LOC122539214: variants seen among roughly 807,000 people sequenced by gnomAD.
chr19:52,671,938 A>C, the LOC122539214 span, among the ~76,000 whole-genome samples: 2 of 152,140 alleles, frequency 1.3e-5, no homozygotes, highest in Non-Finnish European at 1.5e-5. Flanking sequence ...AAATATAACT[A>C]AGTTATAAAA....
the LOC122539214 span, among the ~76,000 whole-genome samples, chr19:52,689,724 TTC>T: frequency 4.0e-5 from 6 of 151,558 alleles, no homozygotes; most frequent in East Asian, 1.9e-4. Flanking sequence ...CATTCTTCTT[TTC>T]TCTGTCTCAG....
the LOC122539214 span, among the ~76,000 whole-genome samples, chr19:52,682,037 G>C: frequency 1.3e-5 from 2 of 151,982 alleles, no homozygotes; most frequent in Non-Finnish European, 2.9e-5. Flanking sequence ...TAGTAGAGAC[G>C]AGGTTTCACC....
At chr19:52,686,277 A>T in the LOC122539214 span, among the ~76,000 whole-genome samples, 27 of 151,662 alleles carry the variant, frequency 1.8e-4, no homozygotes, top group East Asian at 5.8e-4. Flanking sequence ...AAATTGTTTT[A>T]AAAAAAAATC....
the LOC122539214 span, among the ~76,000 whole-genome samples, chr19:52,667,342 T>C: frequency 6.6e-6 from 1 of 152,116 alleles, no homozygotes; most frequent in Non-Finnish European, 1.5e-5. Flanking sequence ...TTGCAACAAT[T>C]CAGAAAGTTG....
the LOC122539214 span, among the ~76,000 whole-genome samples, chr19:52,668,208 C>T: frequency 2.0e-5 from 3 of 152,102 alleles, no homozygotes; most frequent in South Asian, 2.1e-4. Flanking sequence ...AATGGAAACT[C>T]GAGCCAGCCT....
the LOC122539214 span, among the ~76,000 whole-genome samples, chr19:52,659,464 C>T: frequency 6.6e-6 from 1 of 152,030 alleles, no homozygotes; most frequent in Non-Finnish European, 1.5e-5. Flanking sequence ...GGCTACTGGT[C>T]GGAAACACAG....
At chr19:52,687,260 C>T in the LOC122539214 span, among the ~76,000 whole-genome samples, 1 of 145,538 alleles carries the variant, frequency 6.9e-6, no homozygotes, top group Non-Finnish European at 1.5e-5. Flanking sequence ...GAGGTCAAAG[C>T]AGGAGGATCC....
chr19:52,657,177 T>C, the LOC122539214 span, among the ~76,000 whole-genome samples: 1 of 151,840 alleles, frequency 6.6e-6, no homozygotes, highest in African/African-American at 2.4e-5. Context: ...AAATCATAAA[T>C]GCAATGCATG....
the LOC122539214 span, chr19:52,654,076 T>A: frequency 6.3e-7 from 1 of 1,597,682 alleles, no homozygotes; most frequent in East Asian, 2.2e-5. Flanking sequence ...AATTTTCCCT[T>A]CAGTCTGAAA....
the LOC122539214 span, among the ~76,000 whole-genome samples, chr19:52,685,089 C>T: frequency 1.3e-5 from 2 of 152,186 alleles, no homozygotes; most frequent in Non-Finnish European, 1.5e-5. Context: ...TTTTGGGGTA[C>T]TGCATCCCAT....
the LOC122539214 span, among the ~76,000 whole-genome samples, chr19:52,688,707 A>T: frequency 2.0e-5 from 3 of 152,062 alleles, no homozygotes; most frequent in African/African-American, 7.2e-5. Context: ...TCTTTTGATC[A>T]TCCTCTATCT....
chr19:52,650,812 G>C, the LOC122539214 span: 1 of 152,210 alleles, frequency 6.6e-6, no homozygotes, highest in Admixed American at 6.5e-5. Context: ...AGGCTTGCGT[G>C]TAAGCCCAGA....
At chr19:52,681,280 C>CAAAAAAAAAAAAAAAAAAA in the LOC122539214 span, among the ~76,000 whole-genome samples, 37 of 75,418 alleles carry the variant, frequency 4.9e-4, no homozygotes, top group Admixed American at 7.2e-4. Context: ...GAGACTTTCT[C>CAAAAAAAAAAAAAAAAAAA]AAAAAAAAAA....
the LOC122539214 span, among the ~76,000 whole-genome samples, chr19:52,680,823 A>G: frequency 7.3e-5 from 11 of 150,280 alleles, no homozygotes; most frequent in East Asian, 4.0e-4. Context: ...CGTGTTAGCC[A>G]GGATGGTCTC....
chr19:52,677,235 G>A, the LOC122539214 span, among the ~76,000 whole-genome samples: 3 of 150,800 alleles, frequency 2.0e-5, no homozygotes, highest in East Asian at 5.9e-4. Context: ...CACAAAGCAT[G>A]AGTGAGACTG....
the LOC122539214 span, chr19:52,654,178 G>A: frequency 1.2e-6 from 2 of 1,601,186 alleles, no homozygotes. Flanking sequence ...ACGTCGGTCT[G>A]TACTACCAGT....
the LOC122539214 span, chr19:52,652,039 T>C: frequency 4.3e-6 from 1 of 232,512 alleles, no homozygotes. Flanking sequence ...TCTACTGTTC[T>C]GCAAGGAGTG....
the LOC122539214 span, chr19:52,655,569 T>A: frequency 3.3e-6 from 5 of 1,500,948 alleles, no homozygotes; most frequent in East Asian, 9.0e-5. Flanking sequence ...ACCCACAGAC[T>A]CCAGGTTCCT....
At chr19:52,687,438 AGCT>A in the LOC122539214 span, among the ~76,000 whole-genome samples, 27 of 18,508 alleles carry the variant, frequency 1.5e-3, 9 homozygotes, top group African/African-American at 9.4e-3. Flanking sequence ...TAATTTATAT[AGCT>A]ATATAAATTA....
Sources: allele counts gnomAD v4.1 joint callset (sites outside exome capture counted in the v4.1 genomes callset), GRCh38; gene constraint gnomAD v4.1.1; transcripts MANE v1.5.